AKNA: variants seen among roughly 807,000 people sequenced by gnomAD.
AKNA encodes the protein microtubule organization protein AKNA.
In AKNA, 67 loss-of-function variants were observed where a neutral mutation model predicts 138.8. That is an observed-to-expected ratio of 0.48 (90% confidence interval 0.40 to 0.59). The LOEUF (loss-of-function observed/expected upper bound fraction) is 0.59. Among genes scored for constraint, AKNA ranks in the 20% least tolerant of loss-of-function variants. The pLI is 0.00. For missense variants in AKNA, 1,813 were observed against 1,880.4 expected (o/e 0.96, Z 0.66); for synonymous variants, 737 against 754.4 (o/e 0.98, Z 0.38).
intron 6 of AKNA, among the ~76,000 whole-genome samples, chr9:114,366,184 G>T (rs1832340380): frequency 1.3e-5 from 2 of 151,790 alleles, no homozygotes; most frequent in Non-Finnish European, 2.9e-5. Flanking sequence ...GAGGCTTGAG[G>T]CAGGAGAATT....
At chr9:114,390,920 T>G (rs1399732674), upstream of AKNA, among the ~76,000 whole-genome samples, 1 of 152,250 alleles carries the variant, frequency 6.6e-6, no homozygotes. Flanking sequence ...TGTGATTATT[T>G]GATTAACATC....
chr9:114,384,214 A>G (rs1167859879), intron 1 of AKNA, among the ~76,000 whole-genome samples: 1 of 152,194 alleles, frequency 6.6e-6, no homozygotes, highest in Non-Finnish European at 1.5e-5. Context: ...GCTCGAACAC[A>G]TCACGCTAAT....
Position 114,350,945 on chromosome 9 carries a change from G to C in AKNA, c.3135C>G (p.Pro1045=). The C allele has an allele frequency of 6.2e-7, 1 of 1,612,902 alleles. No homozygotes were observed. The highest frequency in any genetic ancestry group is 8.5e-7 in the Non-Finnish European group (1 of 1,179,622). ...QPLPNKTISP[P]PAPAPAAAPL... ...GCGCAGCGGCAGGGGCGGGGGCTGG[G>C]GGTGGGCTGATTGTCTTGTTGGGAA... Residue 1045 remains proline (P), a synonymous_variant, in exon 15 of 22, where the codon CCC becomes CCG. Coordinates refer to ENST00000374088, the MANE Select transcript of AKNA (RefSeq NM_001317950.2).
chr9:114,398,208 G>C (rs912030382), upstream of AKNA, among the ~76,000 whole-genome samples: 1 of 152,188 alleles, frequency 6.6e-6, no homozygotes, highest in African/African-American at 2.4e-5. The surrounding 1 kb of genome is among the most constrained non-coding windows in gnomAD (Gnocchi z 4.2). Context: ...TTTGGACTGG[G>C]GCCCATACCG....
intron 17 of AKNA, 23 bp from the exon 18 acceptor site, chr9:114,346,032 T>G: frequency 6.3e-7 from 1 of 1,598,462 alleles, no homozygotes; most frequent in South Asian, 1.1e-5. Flanking sequence ...AAGTGGGGCA[T>G]CAGAGGGGGC....
chr9:114,361,190 C>T (rs1831927930), intron 9 of AKNA, among the ~76,000 whole-genome samples: 1 of 152,214 alleles, frequency 6.6e-6, no homozygotes, highest in Non-Finnish European at 1.5e-5. Flanking sequence ...CCTGCCTCTC[C>T]AGCCACATCT....
At chr9:114,332,732 G>C (rs1269852191), downstream of AKNA, among the ~76,000 whole-genome samples, 1 of 152,156 alleles carries the variant, frequency 6.6e-6, no homozygotes, top group Non-Finnish European at 1.5e-5. Flanking sequence ...GGGTCCCAAG[G>C]CCACCCTGCT....
rs1181057385 is a variant in AKNA at position 114,377,144 on chromosome 9, T to C, written c.663A>G (p.Gly221=). Residue 221 remains glycine (G), a synonymous_variant, in exon 3 of 22, where the codon GGA becomes GGG. Coordinates refer to ENST00000374088, the MANE Select transcript of AKNA (RefSeq NM_001317950.2). ...CAGTGGGCTGGGGGCCATCGGTCTC[T>C]CCTTCCCAGGTAGAATCAAGGCTGT... ...PSDSLDSTWE[G]ETDGPQPTAL... 4 of 1,614,034 alleles carry C rather than the reference T, an allele frequency of 2.5e-6. No homozygotes were observed. The highest frequency in any genetic ancestry group is 2.2e-5 in the East Asian group (1 of 44,884).
chr9:114,343,849 T>A, intron 18 of AKNA, 46 bp from the exon 19 acceptor site: 1 of 1,496,472 alleles, frequency 6.7e-7, no homozygotes, highest in Non-Finnish European at 9.2e-7. Context: ...TGTGGATGGA[T>A]GCAAAATAGA....
At chr9:114,331,736 C>T, downstream of AKNA, 6 of 1,583,516 alleles carry the variant, frequency 3.8e-6, no homozygotes, top group South Asian at 4.4e-5. Context: ...CATTCACCCA[C>T]CCCTGGGCTG....
intron 18 of AKNA, chr9:114,345,557 G>A (rs992751993): frequency 5.0e-5 from 13 of 261,974 alleles, no homozygotes; most frequent in South Asian, 4.6e-4. Context: ...GCTCCGAGCC[G>A]GAAAAGCACA....
At chr9:114,379,779 G>C (rs1430766665) in intron 2 of AKNA, among the ~76,000 whole-genome samples, 1 of 152,182 alleles carries the variant, frequency 6.6e-6, no homozygotes, top group African/African-American at 2.4e-5. Flanking sequence ...GTCTAAGTTG[G>C]TCTGGATGCA....
chr9:114,377,094 C>T lies in AKNA; in HGVS notation c.713G>A (p.Gly238Asp), dbSNP rs1269939222. The T allele has an allele frequency of 6.2e-7, 1 of 1,614,116 alleles. No individual in the cohort carries two copies. Among genetic ancestry groups the T allele is most frequent in the Non-Finnish European group, 8.5e-7 (1 of 1,180,000 alleles). ...TGGGCTTAGGAGGTGGTGGCTGGGG[C>T]CCTCTGGCAAGGTTTCTGCCAGGGC... ...PTALAETLPE[G>D]PSHHLLSPDG... The change falls in exon 3 of 22, where the codon GGC becomes GAC. Residue 238 changes from glycine (G) to aspartate (D), a missense_variant. Physicochemically the swap from Gly to Asp is moderately conservative, Grantham distance 94 (BLOSUM62 -1). Coordinates refer to ENST00000374088, the MANE Select transcript of AKNA (RefSeq NM_001317950.2).
downstream of AKNA, chr9:114,331,707 C>T (rs1300614813): frequency 5.6e-6 from 9 of 1,593,178 alleles, no homozygotes; most frequent in Non-Finnish European, 4.3e-6. Flanking sequence ...AACTCATGCC[C>T]CTCTCAGGCC....
intron 15 of AKNA, among the ~76,000 whole-genome samples, chr9:114,350,066 G>A (rs1427622399): frequency 1.3e-5 from 2 of 152,158 alleles, no homozygotes; most frequent in Admixed American, 1.3e-4. Context: ...CCTACAAGAT[G>A]GTAAGCTTTA....
rs869060529 is a variant in AKNA at position 114,393,213 on chromosome 9, C to CTT, written c.-114+1142_-114+1143dup. 1.2e-3 allele frequency among the ~76,000 whole-genome samples: 157 copies of CTT among 132,134 alleles called. 1 individual carries two copies. Among genetic ancestry groups the CTT allele is most frequent in the African/African-American group, 3.8e-3 (135 of 35,944 alleles). 86.7% of individuals were successfully genotyped at this position (132,134 alleles called of 152,430 possible). A position where few individuals can be genotyped will look rare whatever the true frequency, so the allele number is the denominator to read the frequency against. ...GCTGTTTGAATCTGGACAGTATAATCTTTTTTTTTTTTTTTTTTTGGAGAT... is the reference window on the plus strand; with the variant it reads ...GCTGTTTGAATCTGGACAGTATAATCTTTTTTTTTTTTTTTTTTTTTGGAGAT... On this transcript the variant is annotated intron_variant, in intron 1 of 21. Transcript: ENST00000307564.
intron 6 of AKNA, among the ~76,000 whole-genome samples, chr9:114,365,452 T>C (rs926670820): frequency 1.3e-5 from 2 of 152,164 alleles, no homozygotes; most frequent in Admixed American, 1.3e-4. Context: ...ATCATGGGCA[T>C]CTATTACCTG....
rs750953510 is a variant in AKNA, at chr9:114,337,171, G to T, written c.4203C>A (p.Ala1401=). 2.4e-5 allele frequency: 38 copies of T among 1,610,746 alleles called. 1 individual carries two copies. In the South Asian group the frequency reaches 3.4e-4, roughly 14 times the overall value. ...DLGDLEELNK[A]LSRAVQAAES... ...CGGCAGCCTGCACGGCCCGGCTCAG[G>T]GCCTTGTTGAGCTCCTCTAGGTCGC... is the stretch of plus-strand genomic sequence containing the variant. The change falls in exon 22 of 22, where the codon GCC becomes GCA. Residue 1401 remains alanine (A), a synonymous_variant. Transcript: ENST00000374088.
intron 2 of AKNA, among the ~76,000 whole-genome samples, chr9:114,380,473 T>C (rs917428599): frequency 1.3e-5 from 2 of 151,568 alleles, no homozygotes; most frequent in Non-Finnish European, 2.9e-5. Flanking sequence ...CACATTACAT[T>C]TGCATATCTA....
Sources: gnomAD v4.1 joint callset for allele counts (sites outside exome capture counted in the v4.1 genomes callset) on GRCh38, gnomAD v4.1.1 for gene constraint, Gnocchi (gnomAD v3.1) non-coding constraint, MANE v1.5 for transcripts, NCBI Gene and HGNC (gene_info 2026-07-23, HGNC 2026-07-21) for gene names.